CCSER1: variants seen among roughly 807,000 people sequenced by gnomAD.
The protein encoded by CCSER1 is serine-rich coiled-coil domain-containing protein 1.
In CCSER1, 41 loss-of-function variants were observed where a neutral mutation model predicts 82.0. That is an observed-to-expected ratio of 0.50 (90% confidence interval 0.39 to 0.65). The LOEUF (loss-of-function observed/expected upper bound fraction) is 0.65, where lower values mean the gene tolerates loss of function less well. Ranked by LOEUF, CCSER1 falls within the 30% of genes least tolerant of loss-of-function variation. The pLI is 0.00. For missense variants in CCSER1, 1,119 were observed against 1,064.2 expected, an observed-to-expected ratio of 1.05 and a Z score of -0.72; for synonymous variants, 414 against 383.9, an observed-to-expected ratio of 1.08 and a Z score of -0.92.
chr4:91,185,346 T>C (rs1332900574), intron 10 of CCSER1, among the ~76,000 whole-genome samples: 1 of 152,236 alleles, frequency 6.6e-6, no homozygotes, highest in Non-Finnish European at 1.5e-5. Flanking sequence ...CCCATTATAA[T>C]CTGAATCAAT....
intron 5 of CCSER1, among the ~76,000 whole-genome samples, chr4:90,558,493 C>T (rs2153645784): frequency 6.6e-6 from 1 of 151,980 alleles, no homozygotes; most frequent in African/African-American, 2.4e-5. Context: ...TTCATTGGTC[C>T]TTTCAGTGAT....
intron 10 of CCSER1, among the ~76,000 whole-genome samples, chr4:91,594,253 G>A (rs114290013): frequency 3.2e-4 from 49 of 150,860 alleles, no homozygotes; most frequent in African/African-American, 1.2e-3. Flanking sequence ...ATTTTCCTCT[G>A]GGCCAAGGCA....
intron 1 of CCSER1, among the ~76,000 whole-genome samples, chr4:90,157,223 G>A (rs1253061775): frequency 1.3e-5 from 2 of 152,166 alleles, no homozygotes; most frequent in African/African-American, 4.8e-5. Flanking sequence ...CTGGCTTGTA[G>A]AGTTTCTGCT....
intron 10 of CCSER1, among the ~76,000 whole-genome samples, chr4:91,405,550 A>G (rs548960292): frequency 6.6e-6 from 1 of 152,314 alleles, no homozygotes; most frequent in Admixed American, 6.5e-5. Flanking sequence ...AAATTTTTAC[A>G]ATCTACCTAC....
chr4:90,933,049 G>GAAAGAAAGAAAGAAAGAAAGA (rs1477696736), intron 9 of CCSER1, among the ~76,000 whole-genome samples: 1 of 97,358 alleles, frequency 1.0e-5, no homozygotes, highest in African/African-American at 4.8e-5. Flanking sequence ...AGAAAGAGAA[G>GAAAGAAAGAAAGAAAGAAAGA]GAAGGAACGA....
At chr4:91,527,707 GTTTAGTATGAGGTATATA>G (rs1400456243) in intron 10 of CCSER1, among the ~76,000 whole-genome samples, 47 of 152,138 alleles carry the variant, frequency 3.1e-4, no homozygotes, top group South Asian at 1.9e-3. Flanking sequence ...TTTCAAGTAT[GTTTAGTATGAGGTATATA>G]TTTAGTATGA....
chr4:91,221,738 G>T (rs1256696431), intron 10 of CCSER1, among the ~76,000 whole-genome samples: 1 of 152,010 alleles, frequency 6.6e-6, no homozygotes, highest in East Asian at 1.9e-4. Flanking sequence ...AGCATTGTGG[G>T]TATAGAGATG....
chr4:91,307,758 T>C (rs2149248739), intron 10 of CCSER1, among the ~76,000 whole-genome samples: 1 of 152,086 alleles, frequency 6.6e-6, no homozygotes, highest in East Asian at 1.9e-4. Context: ...AGAAGTTCTT[T>C]TGGTACAATA....
intron 10 of CCSER1, among the ~76,000 whole-genome samples, chr4:91,258,894 GA>G (rs1195347444): frequency 6.6e-6 from 1 of 152,050 alleles, no homozygotes; most frequent in Non-Finnish European, 1.5e-5. Context: ...GGTGGGGCCA[GA>G]AAAATAGTAC....
intron 8 of CCSER1, among the ~76,000 whole-genome samples, chr4:90,824,347 G>A (rs1162821334): frequency 6.6e-6 from 1 of 151,970 alleles, no homozygotes; most frequent in African/African-American, 2.4e-5. Flanking sequence ...ACATGGGACT[G>A]AATAAAGGCA....
chr4:91,098,378 A>T (rs969312548), intron 10 of CCSER1, among the ~76,000 whole-genome samples: 5 of 152,242 alleles, frequency 3.3e-5, no homozygotes, highest in Non-Finnish European at 7.3e-5. Context: ...AACCTGCAAC[A>T]TTAGCACAAG....
In CCSER1 at chr4:91,602,402, AG is replaced by A. The variant is rs1430395611; in HGVS notation, c.*3346del. Among the ~76,000 whole-genome samples, 1 of 152,040 alleles carries A rather than the reference AG, an allele frequency of 6.6e-6. No individual in the cohort carries two copies. The highest frequency in any genetic ancestry group is 1.5e-5 in the Non-Finnish European group (1 of 67,940). On this transcript the variant is annotated 3_prime_UTR_variant, in exon 11 of 11. Transcript: ENST00000509176. Reference sequence around the variant, plus strand: ...TTTAAAAATTATTATGATATATTTAAGATTCACATGCCCAGGATAAATGATT... The same window carrying A: ...TTTAAAAATTATTATGATATATTTAAATTCACATGCCCAGGATAAATGATT...
At chr4:90,337,853 G>A (rs1431653394) in intron 3 of CCSER1, among the ~76,000 whole-genome samples, 2 of 151,960 alleles carry the variant, frequency 1.3e-5, no homozygotes, top group South Asian at 2.1e-4. Context: ...TGAGAAGTGC[G>A]GTATTGCTTT....
intron 7 of CCSER1, among the ~76,000 whole-genome samples, chr4:90,786,568 G>T (rs537917474): frequency 1.2e-4 from 18 of 152,012 alleles, no homozygotes; most frequent in African/African-American, 4.1e-4. Context: ...TCATAATTTT[G>T]CATATTTTCA....
chr4:91,417,641 TAAG>T (rs1185132297), intron 10 of CCSER1, among the ~76,000 whole-genome samples: 3 of 151,760 alleles, frequency 2.0e-5, no homozygotes, highest in African/African-American at 7.3e-5. Flanking sequence ...AGGTGAATGA[TAAG>T]AACACATAGA....
chr4:90,757,979 C>T (rs1333102376), intron 7 of CCSER1, among the ~76,000 whole-genome samples: 1 of 147,664 alleles, frequency 6.8e-6, no homozygotes, highest in African/African-American at 2.5e-5. Flanking sequence ...ACTCTTGTTG[C>T]CCAGGCTGGA....
rs751139885 is a variant in CCSER1 at position 90,465,050 on chromosome 4, A to G, written c.1604-3184A>G. ...GTGATCTCGGCTCACTGCAACCTCC[A>G]ACTCCCTGGATCAAGTGATTCTCCT... On this transcript the variant is annotated intron_variant, in intron 4 of 10. Transcript: ENST00000509176. Among the ~76,000 whole-genome samples the G allele has an allele frequency of 1.4e-3, 217 of 149,948 alleles. 2 individuals are homozygous for G. The highest frequency in any genetic ancestry group is 1.8e-3 in the Non-Finnish European group (119 of 67,314).
chr4:90,135,003 TG>T (rs1216878975), intron 1 of CCSER1, among the ~76,000 whole-genome samples: 10 of 152,202 alleles, frequency 6.6e-5, no homozygotes, highest in East Asian at 5.8e-4. Flanking sequence ...GATTAAAAAA[TG>T]TTTTTTTAAC....
chr4:91,537,685 T>C (rs1047333003), intron 10 of CCSER1, among the ~76,000 whole-genome samples: 5 of 152,020 alleles, frequency 3.3e-5, no homozygotes, highest in Non-Finnish European at 7.4e-5. Context: ...AGTAATATGC[T>C]ATCATATAAA....
Sources: gnomAD v4.1 joint callset for allele counts (sites outside exome capture counted in the v4.1 genomes callset) on GRCh38, gnomAD v4.1.1 for gene constraint, MANE v1.5 for transcripts, NCBI Gene and HGNC (gene_info 2026-07-23, HGNC 2026-07-21) for gene names.